TMEM178A: variants seen among roughly 807,000 people sequenced by gnomAD.
TMEM178A encodes transmembrane protein 178.
A neutral mutation model predicts 29.1 loss-of-function variants in TMEM178A; 12 were observed. The ratio of observed to expected loss-of-function variants is 0.41; its 90% CI spans 0.26 to 0.67. TMEM178A has a LOEUF of 0.67. Ranked by LOEUF, TMEM178A falls within the 30% of genes least tolerant of loss-of-function variation. TMEM178A has a pLI of 0.29. For missense variants in TMEM178A, 366 were observed against 419.1 expected (o/e 0.87, Z 1.11); for synonymous variants, 210 against 187.2 (o/e 1.12, Z -0.99).
chr2:39,665,695 G>C (rs1291173614), upstream of TMEM178A: 6 of 318,324 alleles, frequency 1.9e-5, no homozygotes, highest in Non-Finnish European at 2.8e-5. Flanking sequence ...GGCGAGGAGA[G>C]GGGGCTGGGG....
upstream of TMEM178A, chr2:39,665,689 A>C: frequency 5.4e-5 from 12 of 221,974 alleles, no homozygotes; most frequent in Non-Finnish European, 5.7e-5. Context: ...CGCCGGGGCG[A>C]GGAGAGGGGG....
intron 1 of TMEM178A, among the ~76,000 whole-genome samples, chr2:39,680,769 A>G (rs1013827479): frequency 5.4e-4 from 82 of 152,314 alleles, no homozygotes; most frequent in African/African-American, 1.9e-3. Flanking sequence ...TTTTGTTTCA[A>G]CAGGAAAAAC....
chr2:39,677,457 C>G (rs1003567978), intron 1 of TMEM178A, among the ~76,000 whole-genome samples: 16 of 152,210 alleles, frequency 1.1e-4, no homozygotes, highest in African/African-American at 3.4e-4. Context: ...TGCCAGTGTC[C>G]TGGTGTGTTG....
chr2:39,678,766 A>G (rs1297416246), intron 1 of TMEM178A, among the ~76,000 whole-genome samples: 1 of 152,226 alleles, frequency 6.6e-6, no homozygotes, highest in African/African-American at 2.4e-5. Flanking sequence ...GTCATAAAAA[A>G]GCTTTTACCT....
intron 1 of TMEM178A, among the ~76,000 whole-genome samples, chr2:39,674,220 G>A (rs936495442): frequency 1.3e-5 from 2 of 152,072 alleles, no homozygotes; most frequent in African/African-American, 2.4e-5. Flanking sequence ...ATACTTGAAC[G>A]TGCATGTTTA....
At chr2:39,719,727 C>T (rs548527076), downstream of TMEM178A, among the ~76,000 whole-genome samples, 1 of 152,050 alleles carries the variant, frequency 6.6e-6, no homozygotes, top group Non-Finnish European at 1.5e-5. Flanking sequence ...CACACACCCC[C>T]CTTTTTAACA....
chr2:39,673,947 T>C (rs1000695949), intron 1 of TMEM178A, among the ~76,000 whole-genome samples: 2 of 152,108 alleles, frequency 1.3e-5, no homozygotes, highest in Non-Finnish European at 2.9e-5. Flanking sequence ...TTTCCCTAAC[T>C]ATACCCAGAG....
the TMEM178A span, among the ~76,000 whole-genome samples, chr2:39,724,320 G>A: frequency 6.6e-6 from 1 of 151,936 alleles, no homozygotes; most frequent in Non-Finnish European, 1.5e-5. Flanking sequence ...ACGGTTAGAG[G>A]TAGGATAGCA....
At chr2:39,727,146 C>T in the TMEM178A span, among the ~76,000 whole-genome samples, 1 of 152,156 alleles carries the variant, frequency 6.6e-6, no homozygotes, top group South Asian at 2.1e-4. Flanking sequence ...CAAGGATATT[C>T]CTCTATCTCA....
chr2:39,721,298 G>C (rs931951499), downstream of TMEM178A, among the ~76,000 whole-genome samples: 4 of 152,228 alleles, frequency 2.6e-5, no homozygotes, highest in African/African-American at 9.6e-5. Context: ...GTTTTGCCAG[G>C]CATCAAAGCA....
At chr2:39,720,632 C>G (rs1453195224), downstream of TMEM178A, among the ~76,000 whole-genome samples, 8 of 152,350 alleles carry the variant, frequency 5.3e-5, no homozygotes, top group East Asian at 1.5e-3. Context: ...TAGACTCTTT[C>G]AAGGAGGAAT....
chr2:39,687,716 T>C (rs1461937475), intron 1 of TMEM178A, among the ~76,000 whole-genome samples: 1 of 152,222 alleles, frequency 6.6e-6, no homozygotes, highest in South Asian at 2.1e-4. Context: ...AAGGTATCAG[T>C]GTGAAAGCAA....
intron 1 of TMEM178A, chr2:39,687,340 C>G (rs1186536439): frequency 6.0e-6 from 1 of 166,978 alleles, no homozygotes; most frequent in Non-Finnish European, 1.5e-5. Context: ...GATGGGCCCC[C>G]TTTTCCCCAC....
chr2:39,708,712 C>T (rs559090788), intron 3 of TMEM178A, among the ~76,000 whole-genome samples: 8 of 152,152 alleles, frequency 5.3e-5, no homozygotes, highest in Admixed American at 1.3e-4. Flanking sequence ...CCACCGCGCC[C>T]GGCCGATTTT....
the TMEM178A span, among the ~76,000 whole-genome samples, chr2:39,727,773 G>A: frequency 8.8e-5 from 13 of 147,098 alleles, no homozygotes; most frequent in African/African-American, 3.1e-4. Flanking sequence ...GTGTCCAAGT[G>A]ATCTAACTGT....
At position 39,686,723 on chromosome 2, in the gene TMEM178A, G is replaced by A. The variant is rs1296336241; in HGVS notation, c.401-17358G>A. On this transcript the variant is annotated intron_variant, in intron 1 of 3. Coordinates refer to ENST00000281961, the MANE Select transcript of TMEM178A (RefSeq NM_152390.3). Reference sequence around the variant, plus strand: ...AGCTGTAAATGACAGAGTGAGTGGGGGCTGGGTGCTAACCTCTGATTTTGG... The same window carrying A: ...AGCTGTAAATGACAGAGTGAGTGGGAGCTGGGTGCTAACCTCTGATTTTGG... 1.3e-5 allele frequency among the ~76,000 whole-genome samples: 2 copies of A among 151,342 alleles called. 1 individual carries two copies. The highest frequency in any genetic ancestry group is 1.3e-4 in the Admixed American group (2 of 15,200).
chr2:39,686,088 G>A (rs1355091321), intron 1 of TMEM178A, among the ~76,000 whole-genome samples: 1 of 152,226 alleles, frequency 6.6e-6, no homozygotes, highest in Non-Finnish European at 1.5e-5. Flanking sequence ...ACACATGGGG[G>A]CAGCTGCTGG....
At chr2:39,670,481 C>T (rs1024351264) in intron 1 of TMEM178A, among the ~76,000 whole-genome samples, 1 of 152,110 alleles carries the variant, frequency 6.6e-6, no homozygotes, top group Non-Finnish European at 1.5e-5. Context: ...GGTCATAGGA[C>T]CAGGGTAGGA....
In TMEM178A at chr2:39,692,169, A is replaced by G. The variant is rs77548728; in HGVS notation, c.401-11912A>G. 4.7e-3 allele frequency among the ~76,000 whole-genome samples: 712 copies of G among 152,284 alleles called. 7 individuals are homozygous for G. Among genetic ancestry groups the G allele is most frequent in the African/African-American group, 0.015 (625 of 41,574 alleles). On this transcript the variant is annotated intron_variant, in intron 1 of 3. Transcript: ENST00000281961. Reference sequence around the variant, plus strand: ...GGGTAGAATGGTGATAACCAGGGGCAGGGGGAATGGGAAGATGGATGCTGG... The same window carrying G: ...GGGTAGAATGGTGATAACCAGGGGCGGGGGGAATGGGAAGATGGATGCTGG...
Sources: allele counts gnomAD v4.1 joint callset (sites outside exome capture counted in the v4.1 genomes callset), GRCh38; gene constraint gnomAD v4.1.1; transcripts MANE v1.5; gene names NCBI Gene and HGNC (gene_info 2026-07-23, HGNC 2026-07-21).